The following TOM1L1 variants were observed in gnomAD, a reference collection of about 807,000 sequenced individuals.
TOM1L1 encodes TOM1-like protein 1.
TOM1L1 carries 64 observed loss-of-function variants against 63.4 expected under a neutral mutation model. The ratio of observed to expected loss-of-function variants is 1.01; its 90% confidence interval spans 0.83 to 1.24. TOM1L1 has a LOEUF of 1.24. Among genes scored for constraint, TOM1L1 ranks in the 50% most tolerant of loss-of-function variants. The pLI, the probability that TOM1L1 is intolerant of heterozygous loss-of-function variation, is 0.00. For synonymous variants in TOM1L1, 166 were observed against 194.4 expected (o/e 0.85, Z 1.22); for missense variants, 536 against 567.0 (o/e 0.95, Z 0.55).
intron 11 of TOM1L1, among the ~76,000 whole-genome samples, chr17:54,941,315 G>A (rs1020030463): frequency 6.6e-6 from 1 of 152,146 alleles, no homozygotes; most frequent in Admixed American, 6.5e-5. Flanking sequence ...AGGGGGAGGG[G>A]CAGAGGGAGG....
intron 7 of TOM1L1, 31 bp downstream of exon 7, chr17:54,915,893 A>AAT (rs764364225): frequency 4.6e-6 from 7 of 1,533,908 alleles, no homozygotes; most frequent in Non-Finnish European, 6.3e-6. Flanking sequence ...CTATCAGTCA[A>AAT]AGTGTCTCTT....
intron 3 of TOM1L1, among the ~76,000 whole-genome samples, chr17:54,906,119 A>G (rs901093068): frequency 6.6e-6 from 1 of 152,058 alleles, no homozygotes; most frequent in African/African-American, 2.4e-5. Context: ...GCAACGAGCT[A>G]TGATCATGCC....
intron 14 of TOM1L1, 59 bp from the exon 15 acceptor site, chr17:54,960,507 A>C (rs2077092060): frequency 7.0e-7 from 1 of 1,421,130 alleles, no homozygotes; most frequent in Non-Finnish European, 9.9e-7. Context: ...GCAGTTAAAA[A>C]CCAAAATAGC....
chr17:54,943,682 G>C (rs1228125595), intron 11 of TOM1L1, among the ~76,000 whole-genome samples: 1 of 151,874 alleles, frequency 6.6e-6, no homozygotes, highest in Non-Finnish European at 1.5e-5. Flanking sequence ...TTTACTACTT[G>C]AAAGTAAAAA....
intron 3 of TOM1L1, among the ~76,000 whole-genome samples, chr17:54,909,575 C>G (rs35678581): frequency 4.9e-4 from 75 of 152,356 alleles, no homozygotes; most frequent in Non-Finnish European, 9.8e-4. Flanking sequence ...GGAAGATGAT[C>G]TAAATAGTTG....
chr17:54,938,814 C>A, intron 10 of TOM1L1, 110 bp from the exon 11 acceptor site: 1 of 548,460 alleles, frequency 1.8e-6, no homozygotes, highest in South Asian at 3.0e-5. Context: ...GTGGGTTTTT[C>A]TTTTTTTTTT....
At chr17:54,925,644 C>G (rs778188284) in intron 7 of TOM1L1, among the ~76,000 whole-genome samples, 1 of 152,192 alleles carries the variant, frequency 6.6e-6, no homozygotes, top group Non-Finnish European at 1.5e-5. Flanking sequence ...TGGAGCACGC[C>G]TGTAATCTCA....
intron 14 of TOM1L1, among the ~76,000 whole-genome samples, chr17:54,959,968 G>A (rs961751597): frequency 1.3e-5 from 2 of 151,940 alleles, no homozygotes; most frequent in African/African-American, 4.8e-5. Context: ...AGTTTTTTAA[G>A]CAAAACATAA....
chr17:54,948,308 T>C (rs1242553562), intron 12 of TOM1L1, among the ~76,000 whole-genome samples: 1 of 152,144 alleles, frequency 6.6e-6, no homozygotes, highest in Non-Finnish European at 1.5e-5. Context: ...TCATATTATG[T>C]CACTCATTTG....
chr17:54,922,990 G>A (rs2048708710), intron 7 of TOM1L1, among the ~76,000 whole-genome samples: 1 of 152,138 alleles, frequency 6.6e-6, no homozygotes, highest in Non-Finnish European at 1.5e-5. Flanking sequence ...TCATATAGGT[G>A]GAATCACATA....
rs916464210 is a variant in TOM1L1 at position 54,901,045 on chromosome 17, C to T, written c.58+122C>T. On this transcript the variant is annotated intron_variant, in intron 1 of 15. Coordinates refer to ENST00000575882, the MANE Select transcript of TOM1L1 (RefSeq NM_005486.3). ...CAACTTGAAAAAATTATTCCCCTCC[C>T]CCCGCAACTTTCCCAAGGCACCCGC... 61 of 1,371,970 alleles carry T rather than the reference C, an allele frequency of 4.4e-5. No individual in the cohort carries two copies. In the African/African-American group the frequency reaches 8.0e-4, roughly 18 times the overall value. 85.0% of individuals were successfully genotyped at this position (1,371,970 alleles called of 1,614,324 possible). A position where few individuals can be genotyped will look rare whatever the true frequency, so the allele number is the denominator to read the frequency against.
At chr17:54,916,749 A>G (rs1329362462) in intron 7 of TOM1L1, 1 of 152,126 alleles carries the variant, frequency 6.6e-6, no homozygotes, top group African/African-American at 2.4e-5. Flanking sequence ...AAATTGTAAA[A>G]ATTTTCCCAA....
At chr17:54,940,409 TA>T (rs1348591232) in intron 11 of TOM1L1, among the ~76,000 whole-genome samples, 1 of 152,246 alleles carries the variant, frequency 6.6e-6, no homozygotes, top group Non-Finnish European at 1.5e-5. Flanking sequence ...GTAACTCTTA[TA>T]GGGGCAGGTG....
In TOM1L1 at chr17:54,900,898, C is replaced by A. The variant is rs1198548608; in HGVS notation, c.33C>A (p.Tyr11Ter). ...TTGGCAAGAGTCACCGGGATCCCTA[C>A]GCGACCTCCGTGGGCCACCTCATAG... MAFGKSHRDP[Y>*]ATSVGHLIEK... The change falls in exon 1 of 16, where the codon TAC becomes TAA. Residue 11 changes from tyrosine (Y) to a stop codon, truncating the protein, a stop_gained. Transcript: ENST00000575882. LOFTEE classifies it high-confidence loss of function. The A allele has an allele frequency of 3.7e-6, 6 of 1,613,832 alleles. No individual in the cohort carries two copies. In the African/African-American group the frequency reaches 4.0e-5, roughly 11 times the overall value.
intron 11 of TOM1L1, among the ~76,000 whole-genome samples, chr17:54,946,116 A>G (rs1277849648): frequency 6.6e-6 from 1 of 152,208 alleles, no homozygotes; most frequent in Non-Finnish European, 1.5e-5. Flanking sequence ...AAGCCTTTGC[A>G]GTGCCATTCA....
intron 14 of TOM1L1, chr17:54,952,652 T>A (rs1030860766): frequency 2.0e-5 from 3 of 152,176 alleles, no homozygotes; most frequent in Non-Finnish European, 4.4e-5. Flanking sequence ...CCTGAGGTAT[T>A]TATTCAGGTA....
intron 9 of TOM1L1, 65 bp from the exon 10 acceptor site, chr17:54,937,044 A>G: frequency 7.4e-7 from 1 of 1,346,960 alleles, no homozygotes; most frequent in African/African-American, 1.4e-5. Flanking sequence ...TACAAAGGAG[A>G]AAGTATGGGG....
intron 8 of TOM1L1, 37 bp from the exon 9 acceptor site, chr17:54,936,612 T>A (rs758378215): frequency 3.2e-6 from 5 of 1,546,900 alleles, no homozygotes; most frequent in Middle Eastern, 1.7e-4. Context: ...TTTCATATAT[T>A]TTTTTAAAAA....
chr17:54,937,548 T>C (rs1012146751), intron 10 of TOM1L1: 36 of 255,772 alleles, frequency 1.4e-4, no homozygotes, highest in African/African-American at 7.5e-4. Flanking sequence ...ACTATTATCA[T>C]TGGGTTTTTC....
Sources: gnomAD v4.1 joint callset for allele counts (sites outside exome capture counted in the v4.1 genomes callset) on GRCh38, gnomAD v4.1.1 for gene constraint, MANE v1.5 for transcripts, NCBI Gene and HGNC (gene_info 2026-07-23, HGNC 2026-07-21) for gene names.